AFF3: variants seen among roughly 807,000 people sequenced by gnomAD.
AFF3 encodes the protein AF4/FMR2 family member 3.
Under a neutral mutation model 129.7 loss-of-function variants are expected in AFF3, and 32 were observed. The ratio of observed to expected loss-of-function variants is 0.25; its 90% CI spans 0.19 to 0.33. The LOEUF is 0.33. Among genes scored for constraint, AFF3 ranks in the 10% least tolerant of loss-of-function variants. The pLI, the probability that AFF3 is intolerant of heterozygous loss-of-function variation, is 1.00. For synonymous variants in AFF3, 644 were observed against 635.4 expected (o/e 1.01, Z -0.20); for missense variants, 1,373 against 1,592.0 (o/e 0.86, Z 2.34).
rs531333605 is a variant in AFF3, at chr2:99,687,793, A to C, written c.1092-15204T>G. Among the ~76,000 whole-genome samples, 4 of 152,274 alleles carry C rather than the reference A, an allele frequency of 2.6e-5. No individual in the cohort carries two copies. In the East Asian group the frequency reaches 7.7e-4, roughly 29 times the overall value. On this transcript the variant is annotated intron_variant, in intron 11 of 24. Coordinates refer to ENST00000672756, the MANE Select transcript of AFF3 (RefSeq NM_001386135.1). ...GTGTCCAGTTTTCCTTGTCCTTAGG[A>C]TCTCACAGCAGAATGATACCTTTGT...
chr2:99,566,484 G>T (rs1042072971), intron 19 of AFF3, among the ~76,000 whole-genome samples: 25 of 152,150 alleles, frequency 1.6e-4, no homozygotes, highest in Admixed American at 9.8e-4. Flanking sequence ...GAAGTTTGAG[G>T]TTCCAGTGAG....
chr2:99,551,370 G>T lies in AFF3; in HGVS notation c.*104C>A. ...GTTCAATGCTGAGGAAATGTTCACC[G>T]CAGTCTGATAAATGCTGTGGCTGGG... On this transcript the variant is annotated 3_prime_UTR_variant, in exon 25 of 25. Transcript: ENST00000672756. 1 of 1,448,876 alleles carries T rather than the reference G, an allele frequency of 6.9e-7. No individual in the cohort carries two copies. The highest frequency in any genetic ancestry group is 9.4e-7 in the Non-Finnish European group (1 of 1,061,842). The allele number at this position is 1,448,876 out of a possible 1,614,324, so 89.8% of individuals were successfully genotyped here. A position where few individuals can be genotyped will look rare whatever the true frequency, so the allele number is the denominator to read the frequency against.
chr2:99,947,567 AAG>A (rs1425558669), intron 7 of AFF3, among the ~76,000 whole-genome samples: 8 of 102,566 alleles, frequency 7.8e-5, no homozygotes, highest in African/African-American at 4.2e-4. Flanking sequence ...GAGAAAGAGA[AAG>A]AAAGAAAAGA....
rs1042171535 is a variant in AFF3, at chr2:99,926,386, C to T, written c.873+80246G>A. Among the ~76,000 whole-genome samples the T allele has an allele frequency of 3.9e-5, 6 of 152,160 alleles. No individual in the cohort carries two copies. The South Asian group carries it at 6.2e-4, about 16-fold the overall frequency. On this transcript the variant is annotated intron_variant, in intron 7 of 24. Transcript: ENST00000672756. ...TACCTCCTACAGTCAGGCACTGGTT[C>T]TTTACGCTTCTCATTTCTCTGCACT...
intron 7 of AFF3, among the ~76,000 whole-genome samples, chr2:99,923,101 C>T (rs1695967444): frequency 6.6e-6 from 1 of 152,138 alleles, no homozygotes; most frequent in South Asian, 2.1e-4. Context: ...AACTACCATG[C>T]CAAATTCATT....
In AFF3 at chr2:99,736,608, A is replaced by ATTTT. The variant is rs11399049; in HGVS notation, c.1039+7492_1039+7495dup. Among the ~76,000 whole-genome samples the ATTTT allele has an allele frequency of 2.9e-4, 36 of 125,662 alleles. 1 individual carries two copies. Among genetic ancestry groups the ATTTT allele is most frequent in the African/African-American group, 9.2e-4 (30 of 32,692 alleles). 82.4% of individuals were successfully genotyped at this position (125,662 alleles called of 152,430 possible). The stretch of plus-strand genomic sequence containing the variant: ...TCTAATCCATTTGTTTAAATTACTG[A>ATTTT]TTTTTTTTTTTTTTTTTTTGAGACG... On this transcript the variant is annotated intron_variant, in intron 10 of 24. Transcript: ENST00000672756.
intron 8 of AFF3, among the ~76,000 whole-genome samples, chr2:99,789,174 C>T (rs1395362142): frequency 6.6e-6 from 1 of 152,074 alleles, no homozygotes; most frequent in African/African-American, 2.4e-5. Flanking sequence ...CGGTGCCATG[C>T]CTGTAATTCC....
At chr2:99,801,796 G>T (rs1685965030) in intron 8 of AFF3, among the ~76,000 whole-genome samples, 1 of 152,192 alleles carries the variant, frequency 6.6e-6, no homozygotes, top group Non-Finnish European at 1.5e-5. Flanking sequence ...TCTATAGCAT[G>T]AGTTACTTAT....
intron 2 of AFF3, among the ~76,000 whole-genome samples, chr2:100,114,239 A>T (rs1054473369): frequency 1.3e-5 from 2 of 152,224 alleles, no homozygotes; most frequent in Non-Finnish European, 2.9e-5. Flanking sequence ...GAGCTGGCCC[A>T]GAGCACAGTG....
intron 8 of AFF3, among the ~76,000 whole-genome samples, chr2:99,825,664 C>G (rs764113382): frequency 3.9e-5 from 6 of 152,186 alleles, no homozygotes; most frequent in Non-Finnish European, 8.8e-5. Flanking sequence ...AAATTCATTA[C>G]CTATCAAAAT....
intron 7 of AFF3, among the ~76,000 whole-genome samples, chr2:99,982,925 T>A (rs1679543003): frequency 6.6e-6 from 1 of 152,164 alleles, no homozygotes; most frequent in Non-Finnish European, 1.5e-5. Context: ...CCCAGGTAAT[T>A]GCCATATATG....
At chr2:99,565,667 T>C in intron 19 of AFF3, 44 bp from the exon 20 acceptor site, 1 of 1,585,734 alleles carries the variant, frequency 6.3e-7, no homozygotes, top group Non-Finnish European at 8.6e-7. Flanking sequence ...ACAATAGTTT[T>C]TTTTAAATGG....
intron 11 of AFF3, among the ~76,000 whole-genome samples, chr2:99,692,727 G>A (rs1168935031): frequency 6.7e-6 from 1 of 150,190 alleles, no homozygotes; most frequent in Non-Finnish European, 1.5e-5. Flanking sequence ...TGTTGTCTTG[G>A]ACTGAGCCCT....
intron 9 of AFF3, among the ~76,000 whole-genome samples, chr2:99,745,078 G>A (rs1681040437): frequency 1.3e-5 from 2 of 152,172 alleles, no homozygotes; most frequent in South Asian, 4.1e-4. Context: ...ATCCTTGTGT[G>A]TATGAAGTGG....
chr2:99,834,043 T>C (rs1688685518), intron 8 of AFF3, among the ~76,000 whole-genome samples: 1 of 152,182 alleles, frequency 6.6e-6, no homozygotes. Flanking sequence ...AAAGATGAGG[T>C]TGATAACACT....
chr2:99,916,912 T>G (rs966985988), intron 7 of AFF3, among the ~76,000 whole-genome samples: 6 of 152,118 alleles, frequency 3.9e-5, no homozygotes, highest in African/African-American at 1.4e-4. Flanking sequence ...GGGCGGGGAT[T>G]CCTTGGCATC....
At chr2:100,123,717 C>T (rs1573464843) in intron 2 of AFF3, among the ~76,000 whole-genome samples, 1 of 152,124 alleles carries the variant, frequency 6.6e-6, no homozygotes, top group African/African-American at 2.4e-5. Flanking sequence ...AGCAGACATG[C>T]CCCACCCCAT....
intron 7 of AFF3, among the ~76,000 whole-genome samples, chr2:99,925,412 T>G (rs906019444): frequency 6.6e-6 from 1 of 152,346 alleles, no homozygotes; most frequent in South Asian, 2.1e-4. Flanking sequence ...ATTCTCATCA[T>G]CACAGATCAT....
At chr2:99,747,690 G>C (rs1681281286) in intron 9 of AFF3, among the ~76,000 whole-genome samples, 1 of 152,182 alleles carries the variant, frequency 6.6e-6, no homozygotes, top group African/African-American at 2.4e-5. Flanking sequence ...GTGATAGGGA[G>C]TGAAGAGAGA....
Sources: gnomAD v4.1 joint callset for allele counts (sites outside exome capture counted in the v4.1 genomes callset) on GRCh38, gnomAD v4.1.1 for gene constraint, MANE v1.5 for transcripts, NCBI Gene and HGNC (gene_info 2026-07-23, HGNC 2026-07-21) for gene names.